The following ZNF791 variants were observed in gnomAD, a reference collection of about 807,000 sequenced individuals.
ZNF791 encodes zinc finger protein 791.
ZNF791 carries 4 observed loss-of-function variants against 11.5 expected under a neutral mutation model. That is an observed-to-expected ratio of 0.35 (90% CI 0.17 to 0.80). The LOEUF (loss-of-function observed/expected upper bound fraction) is 0.80. ZNF791 is among the 30% of genes least tolerant of loss of function. The pLI is 0.53. For missense variants in ZNF791, 559 were observed against 699.4 expected (o/e 0.80, Z 2.26); for synonymous variants, 212 against 228.1 (o/e 0.93, Z 0.64).
chr19:12,623,543 T>G, intron 1 of ZNF791, 157 bp from the exon 2 acceptor site: 1 of 866,234 alleles, frequency 1.2e-6, no homozygotes. Context: ...GATGTAGCTA[T>G]AAGTTTATGT....
chr19:12,628,736 A>G lies in ZNF791; in HGVS notation c.1207A>G (p.Lys403Glu). The change falls in exon 4 of 4, where the codon AAG becomes GAG. Residue 403 changes from lysine (K) to glutamate (E), a missense_variant. By Grantham distance (56) the Lys-to-Glu change is moderately conservative (BLOSUM62 1). Transcript: ENST00000343325. ...FNYPLDLKIH[K>E]RNHTGEKPYE... is the part of the protein sequence containing the mutation. ...TTATCCTCTAGATTTGAAAATCCACAAGAGAAATCACACTGGAGAAAAACC... is the reference window on the plus strand; with the variant it reads ...TTATCCTCTAGATTTGAAAATCCACGAGAGAAATCACACTGGAGAAAAACC... The G allele has an allele frequency of 6.2e-7, 1 of 1,602,086 alleles. No individual in the cohort carries two copies.
At chr19:12,626,900 C>T (rs534444836) in intron 3 of ZNF791, among the ~76,000 whole-genome samples, 4 of 152,232 alleles carry the variant, frequency 2.6e-5, no homozygotes, top group Non-Finnish European at 4.4e-5. Context: ...CCACTGTGCC[C>T]GCCCAGAAAC....
chr19:12,627,279 C>G (rs13346156), intron 3 of ZNF791, among the ~76,000 whole-genome samples: 4 of 151,942 alleles, frequency 2.6e-5, no homozygotes, highest in Admixed American at 2.6e-4. Flanking sequence ...TGAGTATATT[C>G]GTTTTTAAAC....
At position 12,629,856 on chromosome 19, in the gene ZNF791, CTG is replaced by C. The variant is rs1174341774; in HGVS notation, c.*598_*599del. On this transcript the variant is annotated 3_prime_UTR_variant, in exon 4 of 4. Coordinates refer to ENST00000343325, the MANE Select transcript of ZNF791 (RefSeq NM_153358.3). ...GAGATCCGGCCAACAGAGCGAGACT[CTG>C]TCTCAAAAAAAAAAAAAAAAAAAAA... The C allele has an allele frequency of 7.5e-5, 10 of 133,412 alleles. No homozygotes were observed. Among genetic ancestry groups the C allele is most frequent in the Non-Finnish European group, 1.6e-4 (10 of 64,236 alleles). 8.3% of individuals were successfully genotyped at this position (133,412 alleles called of 1,614,324 possible). A position where few individuals can be genotyped will look rare whatever the true frequency, so the allele number is the denominator to read the frequency against.
intron 1 of ZNF791, among the ~76,000 whole-genome samples, chr19:12,613,538 G>C (rs1422717562): frequency 1.3e-5 from 2 of 152,016 alleles, no homozygotes; most frequent in Non-Finnish European, 2.9e-5. Context: ...CCGAGATCGC[G>C]CCACTGCACT....
intron 1 of ZNF791, 29 bp from the exon 2 acceptor site, chr19:12,623,671 C>G (rs1221001481): frequency 1.2e-6 from 2 of 1,613,154 alleles, no homozygotes; most frequent in African/African-American, 1.3e-5. Flanking sequence ...TCAATCTCAC[C>G]TATTCTCTAC....
At chr19:12,624,158 CTT>C (rs138811360) in intron 2 of ZNF791, among the ~76,000 whole-genome samples, 72,460 of 123,528 alleles carry the variant, frequency 0.59, 21,619 homozygotes, top group Non-Finnish European at 0.66. Context: ...GCCTGGCCTT[CTT>C]TTTTTTTTTT....
intron 1 of ZNF791, among the ~76,000 whole-genome samples, chr19:12,620,571 A>G (rs1326636209): frequency 6.6e-6 from 1 of 152,096 alleles, no homozygotes; most frequent in Admixed American, 6.6e-5. Flanking sequence ...AGCTCCCTGG[A>G]GCCAAATTTC....
chr19:12,615,927 C>G (rs1363652610), intron 1 of ZNF791, among the ~76,000 whole-genome samples: 2 of 152,032 alleles, frequency 1.3e-5, no homozygotes, highest in African/African-American at 2.4e-5. Flanking sequence ...CAGTATTTTT[C>G]AACTCATGTG....
At position 12,631,273 on chromosome 19, in the gene ZNF791, T is replaced by A. The variant is rs1203750401; in HGVS notation, c.*2013T>A. On this transcript the variant is annotated 3_prime_UTR_variant, in exon 4 of 4. Coordinates refer to ENST00000343325, the MANE Select transcript of ZNF791 (RefSeq NM_153358.3). Reference sequence around the variant, plus strand: ...GACTGTACCATATAGTCTAGATGTGTTGTAGCTATACCATCTAGATTTGTG... The same window carrying A: ...GACTGTACCATATAGTCTAGATGTGATGTAGCTATACCATCTAGATTTGTG... 1 of 152,242 alleles carries A rather than the reference T, an allele frequency of 6.6e-6. No individual in the cohort carries two copies. Among genetic ancestry groups the A allele is most frequent in the Non-Finnish European group, 1.5e-5 (1 of 68,044 alleles). The allele number at this position is 152,242 out of a possible 1,614,324, so 9.4% of individuals were successfully genotyped here.
At chr19:12,624,157 T>G (rs2023393983) in intron 2 of ZNF791, among the ~76,000 whole-genome samples, 1 of 95,132 alleles carries the variant, frequency 1.1e-5, no homozygotes, top group African/African-American at 4.0e-5. Context: ...TGCCTGGCCT[T>G]CTTTTTTTTT....
chr19:12,620,981 G>C (rs8108960), intron 1 of ZNF791, among the ~76,000 whole-genome samples: 1 of 151,668 alleles, frequency 6.6e-6, no homozygotes, highest in Non-Finnish European at 1.5e-5. Context: ...GGGTGGTCTC[G>C]AACTCCTGAC....
rs1384472005 is a variant in ZNF791 at position 12,628,087 on chromosome 19, A to T, written c.558A>T (p.Lys186Asn). ...ATGAGCGGACTCACATTGGAGAAAA[A>T]CCCTATGAATGTAAGCAATGTGGAA... ...QRHERTHIGE[K>N]PYECKQCGKA... The change falls in exon 4 of 4, where the codon AAA becomes AAT. Residue 186 changes from lysine to asparagine, a missense_variant. Transcript: ENST00000343325. 1 of 1,613,934 alleles carries T rather than the reference A, an allele frequency of 6.2e-7. No individual in the cohort carries two copies. Among genetic ancestry groups the T allele is most frequent in the Admixed American group, 1.7e-5 (1 of 59,950 alleles).
chr19:12,619,575 G>T (rs757603440), intron 1 of ZNF791, among the ~76,000 whole-genome samples: 37 of 149,536 alleles, frequency 2.5e-4, no homozygotes, highest in Non-Finnish European at 4.4e-4. Context: ...TCAGCCTCTC[G>T]ACTAGCTGGG....
intron 1 of ZNF791, among the ~76,000 whole-genome samples, chr19:12,612,616 ATTT>A (rs767002893): frequency 2.7e-5 from 3 of 111,530 alleles, no homozygotes; most frequent in African/African-American, 3.5e-5. Context: ...TAATTTTTGT[ATTT>A]TTTTTTTTTT....
intron 1 of ZNF791, among the ~76,000 whole-genome samples, chr19:12,616,531 G>T (rs577995024): frequency 6.6e-6 from 1 of 152,024 alleles, no homozygotes; most frequent in Admixed American, 6.6e-5. Flanking sequence ...CCAAGGGATC[G>T]GAGAAAAAAA....
chr19:12,633,169 A>G lies in ZNF791; in HGVS notation c.*3909A>G, dbSNP rs1336972715. 1 of 152,178 alleles carries G rather than the reference A, an allele frequency of 6.6e-6. No homozygotes were observed. The highest frequency in any genetic ancestry group is 1.5e-5 in the Non-Finnish European group (1 of 68,020). The allele number at this position is 152,178 out of a possible 1,614,324, so 9.4% of individuals were successfully genotyped here. ...TTTTCCTTTTTATTAAACATCTGGCATAAGTTGGTAAGTATGTGAAGTTTA... is the reference window on the plus strand; with the variant it reads ...TTTTCCTTTTTATTAAACATCTGGCGTAAGTTGGTAAGTATGTGAAGTTTA... On this transcript the variant is annotated 3_prime_UTR_variant, in exon 4 of 4. Coordinates refer to ENST00000343325, the MANE Select transcript of ZNF791 (RefSeq NM_153358.3).
At chr19:12,619,745 G>A (rs1012299708) in intron 1 of ZNF791, among the ~76,000 whole-genome samples, 2 of 151,550 alleles carry the variant, frequency 1.3e-5, no homozygotes, top group African/African-American at 4.8e-5. Context: ...CACCGCGCCC[G>A]GCCACTAATG....
At chr19:12,612,696 T>G (rs1466382048) in intron 1 of ZNF791, among the ~76,000 whole-genome samples, 1 of 150,964 alleles carries the variant, frequency 6.6e-6, no homozygotes, top group Non-Finnish European at 1.5e-5. Context: ...CCTGACCTCA[T>G]GATCCTCCCG....
Sources: gnomAD v4.1 joint callset for allele counts (sites outside exome capture counted in the v4.1 genomes callset) on GRCh38, gnomAD v4.1.1 for gene constraint, MANE v1.5 for transcripts, NCBI Gene and HGNC (gene_info 2026-07-23, HGNC 2026-07-21) for gene names.